The following ACAP2 variants were observed in gnomAD, a reference collection of about 807,000 sequenced individuals.
The protein encoded by ACAP2 is arf-GAP with coiled-coil, ANK repeat and PH domain-containing protein 2.
Under a neutral mutation model 115.8 loss-of-function variants are expected in ACAP2, and 39 were observed. That is an observed-to-expected ratio of 0.34 (90% confidence interval 0.26 to 0.44). The LOEUF (loss-of-function observed/expected upper bound fraction) is 0.44. Ranked by LOEUF, ACAP2 falls within the 20% of genes least tolerant of loss-of-function variation. ACAP2 has a pLI of 1.00. For missense variants in ACAP2, 662 were observed against 927.6 expected (o/e 0.71, Z 3.72); for synonymous variants, 289 against 315.8 (o/e 0.92, Z 0.90).
chr3:195,387,793 A>C (rs1448296692), intron 2 of ACAP2, among the ~76,000 whole-genome samples: 1 of 152,220 alleles, frequency 6.6e-6, no homozygotes, highest in Admixed American at 6.5e-5. Flanking sequence ...CTCTTCAAGG[A>C]GCTAACAGTC....
chr3:195,350,971 C>T (rs934355035), intron 4 of ACAP2, among the ~76,000 whole-genome samples: 4 of 151,466 alleles, frequency 2.6e-5, no homozygotes, highest in African/African-American at 9.7e-5. Flanking sequence ...AAGAAAACTA[C>T]AAAAGAACAA....
intron 4 of ACAP2, among the ~76,000 whole-genome samples, chr3:195,376,419 AAAG>A (rs1197799798): frequency 2.0e-5 from 3 of 152,026 alleles, no homozygotes; most frequent in Non-Finnish European, 2.9e-5. Context: ...TGATAAAACA[AAAG>A]AAGTTTAAAC....
At position 195,434,612 on chromosome 3, in the gene ACAP2, G is replaced by A. The variant is rs146159012; in HGVS notation, c.53+8183C>T. Reference sequence around the variant, plus strand: ...CAATGGACTAATGATTAGGAATCTCGATGCTTTGAAAAGTGATGTCTCCTC... The same window carrying A: ...CAATGGACTAATGATTAGGAATCTCAATGCTTTGAAAAGTGATGTCTCCTC... On this transcript the variant is annotated intron_variant, in intron 1 of 22. Transcript: ENST00000326793. Among the ~76,000 whole-genome samples the A allele has an allele frequency of 1.3e-4, 20 of 152,292 alleles. No individual in the cohort carries two copies. In the East Asian group the frequency reaches 3.7e-3, roughly 28 times the overall value.
intron 4 of ACAP2, among the ~76,000 whole-genome samples, chr3:195,367,717 C>T (rs1026335567): frequency 5.3e-5 from 8 of 152,162 alleles, no homozygotes; most frequent in African/African-American, 1.9e-4. Context: ...CCAACTATCA[C>T]ATTAAGAAGT....
At chr3:195,439,458 C>A (rs1381062718) in intron 1 of ACAP2, among the ~76,000 whole-genome samples, 1 of 151,962 alleles carries the variant, frequency 6.6e-6, no homozygotes, top group African/African-American at 2.4e-5. Flanking sequence ...GGATTACAGG[C>A]ATGAACCACT....
At chr3:195,373,320 A>T (rs192764758) in intron 4 of ACAP2, among the ~76,000 whole-genome samples, 154 of 152,310 alleles carry the variant, frequency 1.0e-3, no homozygotes, top group African/African-American at 3.6e-3. Flanking sequence ...ATGCATGTAG[A>T]TATGATACAT....
chr3:195,297,715 T>G (rs112602942), intron 15 of ACAP2, among the ~76,000 whole-genome samples: 1 of 152,238 alleles, frequency 6.6e-6, no homozygotes, highest in Non-Finnish European at 1.5e-5. Flanking sequence ...AGTTTTCACA[T>G]CTAGTTCCTA....
chr3:195,349,132 CA>C (rs1731374162), intron 4 of ACAP2, among the ~76,000 whole-genome samples: 1 of 151,778 alleles, frequency 6.6e-6, no homozygotes, highest in South Asian at 2.1e-4. Context: ...AGTCAAAATA[CA>C]AAAATCAGTT....
At chr3:195,403,266 G>A (rs1049570208) in intron 1 of ACAP2, among the ~76,000 whole-genome samples, 8 of 152,254 alleles carry the variant, frequency 5.3e-5, no homozygotes, top group South Asian at 2.1e-4. Context: ...AGAGAGCTGC[G>A]GAAGAAGTCA....
intron 22 of ACAP2, among the ~76,000 whole-genome samples, chr3:195,280,207 T>C: frequency 6.6e-6 from 1 of 152,076 alleles, no homozygotes; most frequent in Non-Finnish European, 1.5e-5. Context: ...GTGTGGTGGC[T>C]CATGCCTGTA....
At chr3:195,434,488 G>A (rs759906509) in intron 1 of ACAP2, among the ~76,000 whole-genome samples, 3 of 152,088 alleles carry the variant, frequency 2.0e-5, no homozygotes, top group Non-Finnish European at 2.9e-5. Context: ...CTCCTGCCTC[G>A]GCCTCCCAAA....
intron 4 of ACAP2, 117 bp downstream of exon 4, chr3:195,380,892 T>G (rs538316584): frequency 3.4e-6 from 3 of 894,158 alleles, no homozygotes; most frequent in East Asian, 2.7e-5. Flanking sequence ...AGCTAAAAAG[T>G]TGACGACCAA....
chr3:195,339,729 T>G (rs553621295), intron 6 of ACAP2, among the ~76,000 whole-genome samples: 1 of 152,054 alleles, frequency 6.6e-6, no homozygotes, highest in African/African-American at 2.4e-5. Context: ...GAGGAGGCAG[T>G]GTGAGGATTC....
chr3:195,292,227 T>G (rs369772356), intron 19 of ACAP2, 38 bp downstream of exon 19: 1 of 1,515,484 alleles, frequency 6.6e-7, no homozygotes, highest in Non-Finnish European at 8.8e-7. Context: ...TTTTAAATAT[T>G]TGATTGCTAC....
At chr3:195,432,406 G>A (rs1715198266) in intron 1 of ACAP2, among the ~76,000 whole-genome samples, 1 of 152,110 alleles carries the variant, frequency 6.6e-6, no homozygotes, top group South Asian at 2.1e-4. Flanking sequence ...TTTCACGTGT[G>A]GATATTCAGT....
In ACAP2 at chr3:195,442,872, C is replaced by A. The variant is rs758304317; in HGVS notation, c.-25G>T. The A allele has an allele frequency of 1.1e-5, 17 of 1,510,706 alleles. No individual in the cohort carries two copies. The highest frequency in any genetic ancestry group is 3.5e-4 in the Middle Eastern group (2 of 5,636). The allele number at this position is 1,510,706 out of a possible 1,614,324, so 93.6% of individuals were successfully genotyped here. A position where few individuals can be genotyped will look rare whatever the true frequency, so the allele number is the denominator to read the frequency against. ...TCCTGCCTCCGCCTCGCAGGCGGCG[C>A]TGGCAAAGCCGAGGGGGCCGCGGGA... is the stretch of plus-strand genomic sequence containing the variant. On this transcript the variant is annotated 5_prime_UTR_variant, in exon 1 of 23. Transcript: ENST00000326793.
At chr3:195,369,568 T>C (rs995209878) in intron 4 of ACAP2, among the ~76,000 whole-genome samples, 1 of 152,216 alleles carries the variant, frequency 6.6e-6, no homozygotes, top group Non-Finnish European at 1.5e-5. Flanking sequence ...TCCAGCTCCA[T>C]CCATGTTCCT....
chr3:195,279,479 A>C, intron 22 of ACAP2, 51 bp from the exon 23 acceptor site: 2 of 1,203,606 alleles, frequency 1.7e-6, no homozygotes, highest in Non-Finnish European at 2.3e-6. Flanking sequence ...AGTATTAATC[A>C]AACAACATTC....
chr3:195,424,244 G>GTGGT (rs1553872445), intron 1 of ACAP2, among the ~76,000 whole-genome samples: 1 of 69,614 alleles, frequency 1.4e-5, no homozygotes, highest in Non-Finnish European at 2.7e-5. Flanking sequence ...GTGTGTGTGT[G>GTGGT]GTGTGTGTGT....
Sources: gnomAD v4.1 joint callset for allele counts (sites outside exome capture counted in the v4.1 genomes callset) on GRCh38, gnomAD v4.1.1 for gene constraint, MANE v1.5 for transcripts, NCBI Gene and HGNC (gene_info 2026-07-23, HGNC 2026-07-21) for gene names.